PUM1: variants seen among roughly 807,000 people sequenced by gnomAD.
PUM1 encodes pumilio homolog 1.
PUM1 carries 13 observed loss-of-function variants against 131.8 expected under a neutral mutation model. The observed-to-expected ratio is 0.10, with a 90% CI of 0.06 to 0.16. PUM1 has a LOEUF of 0.16. Ranked by LOEUF, PUM1 falls within the 10% of genes least tolerant of loss-of-function variation. PUM1 has a pLI of 1.00. For synonymous variants in PUM1, 509 were observed against 556.5 expected, an observed-to-expected ratio of 0.91 and a Z score of 1.20; for missense variants, 961 against 1,512.4, an observed-to-expected ratio of 0.64 and a Z score of 6.05.
At position 31,042,411 on chromosome 1, in the gene PUM1, T is replaced by C. The variant is rs75208453; in HGVS notation, c.364-13547A>G. On this transcript the variant is annotated intron_variant, in intron 2 of 21. Transcript: ENST00000426105. ...CTATTTCAGCAACCTATATTCAACA[T>C]ATCTACTAACTTTTTTAAAAATTAA... is the stretch of plus-strand genomic sequence containing the variant. 8.1e-4 allele frequency among the ~76,000 whole-genome samples: 123 copies of C among 152,258 alleles called. No homozygotes were observed. The East Asian group carries it at 0.018, about 22-fold the overall frequency.
In PUM1 at chr1:30,954,498, A is replaced by T. The variant is rs1640069892; in HGVS notation, c.2324-517T>A. 2.0e-5 allele frequency among the ~76,000 whole-genome samples: 3 copies of T among 152,168 alleles called. 1 individual carries two copies. Among genetic ancestry groups the T allele is most frequent in the Non-Finnish European group, 4.4e-5 (3 of 68,028 alleles). On this transcript the variant is annotated intron_variant, in intron 14 of 21. Transcript: ENST00000426105. ...TGAAAAAGCTGTCTTTGAAGGAATG[A>T]TTTTGCCACTAAATAGAAGTGTGAA... is the stretch of plus-strand genomic sequence containing the variant.
rs771403231 is a variant in PUM1, at chr1:30,967,302, C to T, written c.1654G>A (p.Val552Met). 3.7e-6 allele frequency: 6 copies of T among 1,613,402 alleles called. No homozygotes were observed. The highest frequency in any genetic ancestry group is 5.1e-6 in the Non-Finnish European group (6 of 1,179,430). The change falls in exon 12 of 22, where the codon GTG (valine) becomes ATG (methionine). Residue 552 changes from valine (V) to methionine (M), a missense_variant. Val to Met is a conservative substitution (Grantham distance 21, BLOSUM62 1). Transcript: ENST00000426105. ...TCATAGTAAGCAGCAGGAGCCAACA[C>T]CGGATAACCTAGGAATATCAAGCCA... ...GLAAGMPGYP[V>M]LAPAAYYDQT... is the part of the protein sequence containing the mutation.
At chr1:30,952,863 C>T (rs1640004828) in intron 15 of PUM1, among the ~76,000 whole-genome samples, 1 of 151,978 alleles carries the variant, frequency 6.6e-6, no homozygotes, top group Non-Finnish European at 1.5e-5. Context: ...TACTCATCAG[C>T]TACTCGGGAG....
At chr1:30,997,767 C>T (rs1009620164) in intron 5 of PUM1, among the ~76,000 whole-genome samples, 2 of 151,864 alleles carry the variant, frequency 1.3e-5, no homozygotes, top group Admixed American at 6.6e-5. Flanking sequence ...TGCAGTGGTG[C>T]GATCTCAGGT....
intron 12 of PUM1, 199 bp downstream of exon 12, chr1:30,966,968 T>A: frequency 3.9e-6 from 2 of 511,432 alleles, no homozygotes; most frequent in Non-Finnish European, 6.5e-6. Flanking sequence ...ATGCCACCCC[T>A]CCCCCAACCC....
chr1:30,952,203 A>C (rs1274786269), intron 16 of PUM1, 31 bp downstream of exon 16: 1 of 1,604,328 alleles, frequency 6.2e-7, no homozygotes, highest in Admixed American at 1.7e-5. Flanking sequence ...AGATTCTCTT[A>C]AGTCAAAGGA....
At chr1:31,012,679 A>C (rs541196468) in intron 3 of PUM1, among the ~76,000 whole-genome samples, 2 of 152,202 alleles carry the variant, frequency 1.3e-5, no homozygotes, top group South Asian at 4.1e-4. Context: ...ATTTGTCTGG[A>C]AACACCTTTT....
Position 30,943,711 on chromosome 1 carries a change from T to G in PUM1, c.2995-1588A>C, listed in dbSNP as rs1639555338. On this transcript the variant is annotated intron_variant, in intron 18 of 21. Transcript: ENST00000426105. Reference sequence around the variant, plus strand: ...ATCACAGAAATTATGAAGGTTGAAATTTGAAAGACAATACTAAATTATTTT... The same window carrying G: ...ATCACAGAAATTATGAAGGTTGAAAGTTGAAAGACAATACTAAATTATTTT... 2.0e-5 allele frequency among the ~76,000 whole-genome samples: 3 copies of G among 152,346 alleles called. No individual in the cohort carries two copies. The South Asian group carries it at 6.2e-4, about 32-fold the overall frequency.
At chr1:30,974,948 C>T (rs541361449) in intron 9 of PUM1, 146 bp from the exon 10 acceptor site, 2 of 580,928 alleles carry the variant, frequency 3.4e-6, no homozygotes, top group Admixed American at 3.6e-5. Context: ...ATCATTAACT[C>T]TTTTTAAAGA....
At chr1:30,995,773 A>G (rs1233051268) in intron 5 of PUM1, among the ~76,000 whole-genome samples, 1 of 152,136 alleles carries the variant, frequency 6.6e-6, no homozygotes, top group East Asian at 1.9e-4. Context: ...TGATCTTGGG[A>G]TATATGCCCT....
chr1:30,945,592 G>A (rs1038999908), intron 17 of PUM1, 109 bp from the exon 18 acceptor site: 9 of 1,179,380 alleles, frequency 7.6e-6, no homozygotes, highest in African/African-American at 1.5e-5. Flanking sequence ...AATCTGTGAT[G>A]ATGAAAGTGG....
chr1:30,961,141 C>T (rs1485368373), intron 14 of PUM1, among the ~76,000 whole-genome samples: 5 of 151,302 alleles, frequency 3.3e-5, no homozygotes, highest in Admixed American at 6.6e-5. Context: ...TGGAGTGGGC[C>T]GAGATCACGC....
At position 30,941,242 on chromosome 1, in the gene PUM1, C is replaced by T; in HGVS notation, c.3151G>A (p.Val1051Ile). The change falls in exon 20 of 22, where the codon GTA (valine) becomes ATA (isoleucine). Residue 1051 changes from valine (V) to isoleucine (I), a missense_variant. Val to Ile is a conservative substitution (Grantham distance 29). Transcript: ENST00000426105. ...DQYGNYVIQH[V>I]LEHGRPEDKS... The stretch of plus-strand genomic sequence containing the variant: ...TCCTCAGGACGACCGTGCTCCAGTA[C>T]ATGTTGGATTACATAATTTCCATAT... 6.2e-7 allele frequency: 1 copy of T among 1,611,946 alleles called. No individual in the cohort carries two copies. The highest frequency in any genetic ancestry group is 8.5e-7 in the Non-Finnish European group (1 of 1,178,418).
intron 3 of PUM1, among the ~76,000 whole-genome samples, chr1:31,015,007 G>A (rs536091387): frequency 6.6e-6 from 1 of 152,144 alleles, no homozygotes; most frequent in Admixed American, 6.5e-5. Context: ...GTACAACAAT[G>A]TAAGCTCACC....
At chr1:31,046,299 T>A (rs185445305) in intron 2 of PUM1, among the ~76,000 whole-genome samples, 17 of 151,344 alleles carry the variant, frequency 1.1e-4, no homozygotes, top group Middle Eastern at 3.4e-3. Context: ...GGCAGGAGAA[T>A]TGCTTGAACC....
At chr1:31,032,545 G>A (rs904058212) in intron 2 of PUM1, among the ~76,000 whole-genome samples, 5 of 147,218 alleles carry the variant, frequency 3.4e-5, no homozygotes, top group African/African-American at 1.3e-4. Flanking sequence ...TGCCCAGGCT[G>A]GAGTGCAGTG....
chr1:31,032,210 T>A (rs1643454766), intron 2 of PUM1, among the ~76,000 whole-genome samples: 1 of 152,228 alleles, frequency 6.6e-6, no homozygotes, highest in Non-Finnish European at 1.5e-5. Context: ...GGGAGCTGTA[T>A]TTTGTACAGT....
At chr1:30,960,258 A>T (rs1214117340) in intron 14 of PUM1, among the ~76,000 whole-genome samples, 1 of 152,196 alleles carries the variant, frequency 6.6e-6, no homozygotes, top group Admixed American at 6.5e-5. Flanking sequence ...TAATATGAAA[A>T]TCAAAAATTC....
At chr1:31,022,502 G>A (rs1643065362) in intron 3 of PUM1, among the ~76,000 whole-genome samples, 2 of 152,186 alleles carry the variant, frequency 1.3e-5, no homozygotes, top group South Asian at 2.1e-4. Context: ...CAGAAGAATG[G>A]GTGGGGTTTG....
Sources: gnomAD v4.1 joint callset for allele counts (sites outside exome capture counted in the v4.1 genomes callset) on GRCh38, gnomAD v4.1.1 for gene constraint, MANE v1.5 for transcripts, NCBI Gene and HGNC (gene_info 2026-07-23, HGNC 2026-07-21) for gene names.